NSD1: variants seen among roughly 807,000 people sequenced by gnomAD.
The protein encoded by NSD1 is nuclear receptor binding SET domain protein 1.
Under a neutral mutation model 242.7 loss-of-function variants are expected in NSD1, and 26 were observed. That is an observed-to-expected ratio of 0.11 (90% CI 0.08 to 0.15). NSD1 has a LOEUF of 0.15. Among genes scored for constraint, NSD1 ranks in the 10% least tolerant of loss-of-function variants. The pLI is 1.00. For synonymous variants in NSD1, 1,106 were observed against 1,178.1 expected, an observed-to-expected ratio of 0.94 and a Z score of 1.25; for missense variants, 2,495 against 3,272.8, an observed-to-expected ratio of 0.76 and a Z score of 5.80.
chr5:177,156,579 G>A (rs958447430), intron 2 of NSD1, among the ~76,000 whole-genome samples: 2 of 152,118 alleles, frequency 1.3e-5, no homozygotes, highest in African/African-American at 4.8e-5. Context: ...ACTTTGGGTG[G>A]CTGAGGCAAG....
intron 2 of NSD1, among the ~76,000 whole-genome samples, chr5:177,144,803 C>T (rs562710071): frequency 3.9e-5 from 6 of 152,064 alleles, no homozygotes; most frequent in African/African-American, 1.4e-4. Flanking sequence ...AATACTTGGC[C>T]GGGCGCGGTG....
At chr5:177,161,857 G>T (rs979307824) in intron 2 of NSD1, among the ~76,000 whole-genome samples, 4 of 151,798 alleles carry the variant, frequency 2.6e-5, no homozygotes, top group Non-Finnish European at 5.9e-5. Context: ...CACCATGTTG[G>T]CCGGGCTGTT....
intron 14 of NSD1, 27 bp downstream of exon 14, chr5:177,260,195 GTAGTC>G (rs1333865726): frequency 6.2e-7 from 1 of 1,606,988 alleles, no homozygotes; most frequent in Non-Finnish European, 8.5e-7. Flanking sequence ...TCCTCTATTT[GTAGTC>G]TAAAAAGGGA....
At chr5:177,172,881 G>A (rs1297838901) in intron 2 of NSD1, among the ~76,000 whole-genome samples, 2 of 147,932 alleles carry the variant, frequency 1.4e-5, no homozygotes, top group African/African-American at 5.0e-5. Context: ...AGGATCACTT[G>A]AGTCTGGTAT....
intron 5 of NSD1, among the ~76,000 whole-genome samples, chr5:177,228,819 A>T (rs72813163): frequency 5.7e-4 from 87 of 152,326 alleles, no homozygotes; most frequent in Non-Finnish European, 1.1e-3. Context: ...CGTACATTTT[A>T]TGTATACAAT....
chr5:177,231,470 G>A (rs1765049025), intron 5 of NSD1, among the ~76,000 whole-genome samples: 1 of 152,014 alleles, frequency 6.6e-6, no homozygotes, highest in Non-Finnish European at 1.5e-5. Context: ...TTTTGAGATG[G>A]AGGCTAAAGT....
intron 5 of NSD1, among the ~76,000 whole-genome samples, chr5:177,218,062 A>G (rs1377028886): frequency 1.3e-5 from 2 of 151,924 alleles, no homozygotes; most frequent in Admixed American, 6.6e-5. Context: ...ACAGCCATGC[A>G]CCACCATACT....
chr5:177,155,678 CTTAT>C (rs202137098), intron 2 of NSD1, among the ~76,000 whole-genome samples: 2,006 of 139,950 alleles, frequency 0.014, 49 homozygotes, highest in African/African-American at 0.051. Context: ...TATTTTTATT[CTTAT>C]TTATTTATTT....
intron 2 of NSD1, among the ~76,000 whole-genome samples, chr5:177,167,371 A>G (rs1187765063): frequency 1.3e-5 from 2 of 152,012 alleles, no homozygotes; most frequent in East Asian, 3.9e-4. Flanking sequence ...ACCCATTTCT[A>G]CTAAAAATAC....
chr5:177,281,891 T>C (rs1758923950), intron 18 of NSD1, among the ~76,000 whole-genome samples: 1 of 152,126 alleles, frequency 6.6e-6, no homozygotes, highest in African/African-American at 2.4e-5. Context: ...GGGCTCAAAT[T>C]ATCCTCCCAG....
chr5:177,287,904 G>A (rs1759462265), intron 20 of NSD1, among the ~76,000 whole-genome samples: 1 of 152,142 alleles, frequency 6.6e-6, no homozygotes, highest in African/African-American at 2.4e-5. Flanking sequence ...TTTAACATTC[G>A]ATGAAAAACT....
chr5:177,225,170 G>C lies in NSD1; in HGVS notation c.3797-10651G>C, dbSNP rs7720083. Among the ~76,000 whole-genome samples, 605 of 152,054 alleles carry C rather than the reference G, an allele frequency of 4.0e-3. 2 individuals are homozygous for C. Among genetic ancestry groups the C allele is most frequent in the Non-Finnish European group, 6.7e-3 (453 of 67,966 alleles). On this transcript the variant is annotated intron_variant, in intron 5 of 22. Transcript: ENST00000439151. Reference sequence around the variant, plus strand: ...TTTTTTGTTTTTATATTTTTGAGACGGAGTTTCGCCCTCATCGCCCAGGCT... The same window carrying C: ...TTTTTTGTTTTTATATTTTTGAGACCGAGTTTCGCCCTCATCGCCCAGGCT...
chr5:177,273,523 A>G (rs1321509384), intron 16 of NSD1, 149 bp from the exon 17 acceptor site: 3 of 644,624 alleles, frequency 4.7e-6, no homozygotes, highest in Admixed American at 2.4e-5. Flanking sequence ...AATAGCTGTT[A>G]TGTGTTTTCT....
intron 5 of NSD1, among the ~76,000 whole-genome samples, chr5:177,221,308 T>G (rs1348101339): frequency 3.9e-5 from 6 of 152,120 alleles, no homozygotes; most frequent in African/African-American, 9.7e-5. Flanking sequence ...TTTGTTTTTT[T>G]TTTTAATTGA....
In NSD1 at chr5:177,210,749, C is replaced by G. The variant is rs374740802; in HGVS notation, c.2350C>G (p.Gln784Glu). 5.0e-5 allele frequency: 81 copies of G among 1,614,072 alleles called. No individual in the cohort carries two copies. Among genetic ancestry groups the G allele is most frequent in the Non-Finnish European group, 6.5e-5 (77 of 1,180,044 alleles). Reference protein sequence around the residue: ...NQALLHSKSKQPKFRSIKCKH... With the variant: ...NQALLHSKSKEPKFRSIKCKH... ...AGCTCTATTACATTCGAAAAGCAAA[C>G]AGCCCAAGTTCCGAAGTATAAAGTG... The change falls in exon 5 of 23, where the codon CAG becomes GAG. Residue 784 changes from glutamine to glutamate, a missense_variant. By Grantham distance (29) the Gln-to-Glu change is conservative (BLOSUM62 2). This residue lies in a region of NSD1 where 515 missense variants were observed against 467.0 expected (regional missense o/e 1.10). Coordinates refer to ENST00000439151, the MANE Select transcript of NSD1 (RefSeq NM_022455.5).
chr5:177,148,036 GT>G (rs1308056056), intron 2 of NSD1, among the ~76,000 whole-genome samples: 1 of 152,014 alleles, frequency 6.6e-6, no homozygotes, highest in Non-Finnish European at 1.5e-5. Context: ...CATTTATGGG[GT>G]TTTGTGTGAC....
intron 2 of NSD1, among the ~76,000 whole-genome samples, chr5:177,177,402 C>T (rs1160999465): frequency 6.6e-6 from 1 of 151,892 alleles, no homozygotes; most frequent in Non-Finnish European, 1.5e-5. Context: ...CCCAGCTGCT[C>T]GGGAGGCTGA....
At chr5:177,214,861 G>A (rs941199866) in intron 5 of NSD1, among the ~76,000 whole-genome samples, 1 of 151,842 alleles carries the variant, frequency 6.6e-6, no homozygotes, top group African/African-American at 2.4e-5. Context: ...CACCATGCCT[G>A]GCTAATTTGT....
intron 18 of NSD1, among the ~76,000 whole-genome samples, chr5:177,281,162 C>T (rs1008979900): frequency 1.3e-5 from 2 of 152,090 alleles, no homozygotes; most frequent in Admixed American, 6.6e-5. Context: ...GATACAGAGA[C>T]ATTGATCCAC....
Sources: gnomAD v4.1 joint callset for allele counts (sites outside exome capture counted in the v4.1 genomes callset) on GRCh38, gnomAD v4.1.1 for gene constraint, gnomAD v4.1.1 regional missense constraint, MANE v1.5 for transcripts, NCBI Gene and HGNC (gene_info 2026-07-23, HGNC 2026-07-21) for gene names.